SLC7A14: variants seen among roughly 807,000 people sequenced by gnomAD.
The protein encoded by SLC7A14 is solute carrier family 7 member 14.
Under a neutral mutation model 60.2 loss-of-function variants are expected in SLC7A14, and 37 were observed. The observed-to-expected ratio is 0.61, with a 90% CI of 0.47 to 0.81. SLC7A14 has a LOEUF of 0.81. Among genes scored for constraint, SLC7A14 ranks in the 30% least tolerant of loss-of-function variants. The pLI is 0.00. For missense variants in SLC7A14, 886 were observed against 982.7 expected, an observed-to-expected ratio of 0.90 and a Z score of 1.32; for synonymous variants, 399 against 395.8, an observed-to-expected ratio of 1.01 and a Z score of -0.10.
chr3:170,499,547 G>C (rs936420210), intron 3 of SLC7A14, among the ~76,000 whole-genome samples: 1 of 152,086 alleles, frequency 6.6e-6, no homozygotes, highest in Non-Finnish European at 1.5e-5. Flanking sequence ...ATTGTTTTTA[G>C]CTTCATTATT....
intron 6 of SLC7A14, among the ~76,000 whole-genome samples, chr3:170,482,545 G>T (rs1463346525): frequency 1.3e-5 from 2 of 152,254 alleles, no homozygotes; most frequent in Non-Finnish European, 1.5e-5. Flanking sequence ...GGCCCCTCAT[G>T]CTGGAAACAA....
intron 1 of SLC7A14, among the ~76,000 whole-genome samples, chr3:170,584,620 G>A (rs1288993082): frequency 6.6e-6 from 1 of 152,180 alleles, no homozygotes; most frequent in African/African-American, 2.4e-5. Context: ...TAGGTCGCTT[G>A]CTTAGAACCC....
At chr3:170,498,609 T>C (rs1205052796) in intron 4 of SLC7A14, 58 bp downstream of exon 4, 3 of 1,532,424 alleles carry the variant, frequency 2.0e-6, no homozygotes, top group South Asian at 2.3e-5. Context: ...CTTAGGTTGG[T>C]CACAGGGTAG....
intron 7 of SLC7A14, among the ~76,000 whole-genome samples, chr3:170,473,229 CA>C (rs1467939315): frequency 2.0e-5 from 3 of 152,152 alleles, no homozygotes; most frequent in Non-Finnish European, 4.4e-5. Context: ...CAAATGACCC[CA>C]AACCTACAAG....
At chr3:170,474,733 G>A (rs1327994772) in intron 7 of SLC7A14, among the ~76,000 whole-genome samples, 1 of 152,088 alleles carries the variant, frequency 6.6e-6, no homozygotes, top group Non-Finnish European at 1.5e-5. Context: ...TAGACCATGA[G>A]GTGTGTCTTC....
At chr3:170,521,374 G>A (rs1472406080) in intron 2 of SLC7A14, among the ~76,000 whole-genome samples, 1 of 152,228 alleles carries the variant, frequency 6.6e-6, no homozygotes, top group African/African-American at 2.4e-5. Context: ...TTTCCATTAT[G>A]TTGGTGCAAA....
At chr3:170,523,471 CCTT>C (rs1459521207) in intron 2 of SLC7A14, among the ~76,000 whole-genome samples, 1 of 152,160 alleles carries the variant, frequency 6.6e-6, no homozygotes, top group African/African-American at 2.4e-5. Context: ...GTTTCACTTC[CCTT>C]CTTATTCAGC....
intron 2 of SLC7A14, among the ~76,000 whole-genome samples, chr3:170,504,461 C>T (rs1241229936): frequency 2.6e-5 from 4 of 152,080 alleles, no homozygotes; most frequent in African/African-American, 9.7e-5. Flanking sequence ...GCTAGGACTA[C>T]AGGCATGCAC....
intron 2 of SLC7A14, among the ~76,000 whole-genome samples, chr3:170,512,976 C>T (rs114352854): frequency 2.2e-3 from 329 of 152,156 alleles, no homozygotes; most frequent in African/African-American, 7.7e-3. Flanking sequence ...AAACTGTGGC[C>T]GCAGTGTCTT....
chr3:170,539,460 C>T (rs1713945030), intron 1 of SLC7A14, among the ~76,000 whole-genome samples: 1 of 152,168 alleles, frequency 6.6e-6, no homozygotes, highest in Non-Finnish European at 1.5e-5. Flanking sequence ...ATCTACCTAT[C>T]TGTGTATTTA....
intron 1 of SLC7A14, among the ~76,000 whole-genome samples, chr3:170,569,521 C>T (rs1714884990): frequency 1.3e-5 from 2 of 152,014 alleles, no homozygotes; most frequent in African/African-American, 4.8e-5. Context: ...TGATGCTGGC[C>T]TCATAAAATG....
At chr3:170,499,784 A>G (rs1250385454) in intron 3 of SLC7A14, among the ~76,000 whole-genome samples, 1 of 152,190 alleles carries the variant, frequency 6.6e-6, no homozygotes, top group Non-Finnish European at 1.5e-5. Context: ...GCACTGCCTC[A>G]GCTGCAGGGA....
At chr3:170,496,167 C>T in intron 4 of SLC7A14, 1 of 905,392 alleles carries the variant, frequency 1.1e-6, no homozygotes, top group Non-Finnish European at 1.9e-6. Context: ...GTCTGCGGTG[C>T]TGTCCATGGA....
intron 1 of SLC7A14, among the ~76,000 whole-genome samples, chr3:170,572,060 C>CAAAAAA (rs765897392): frequency 9.9e-5 from 8 of 80,612 alleles, no homozygotes; most frequent in East Asian, 3.5e-4. Context: ...GACTCTGTCT[C>CAAAAAA]AAAAAAAAAA....
chr3:170,478,733 G>A (rs989914661), intron 7 of SLC7A14, among the ~76,000 whole-genome samples: 12 of 152,088 alleles, frequency 7.9e-5, no homozygotes, highest in African/African-American at 2.7e-4. Context: ...GTATTTTTGA[G>A]CACATACTGC....
intron 7 of SLC7A14, among the ~76,000 whole-genome samples, chr3:170,478,598 C>T (rs1342856122): frequency 1.3e-5 from 2 of 152,142 alleles, no homozygotes; most frequent in African/African-American, 4.8e-5. Flanking sequence ...TCCCCCACTT[C>T]TTTCTATCTA....
intron 5 of SLC7A14, among the ~76,000 whole-genome samples, chr3:170,484,583 G>A (rs1305800932): frequency 6.6e-6 from 1 of 152,214 alleles, no homozygotes; most frequent in Non-Finnish European, 1.5e-5. Flanking sequence ...AAAGCCTGAA[G>A]GAAAGAGGGT....
chr3:170,534,884 A>C (rs565085192), intron 1 of SLC7A14, among the ~76,000 whole-genome samples: 1 of 152,328 alleles, frequency 6.6e-6, no homozygotes. Context: ...TCAACACTCC[A>C]GAGTTGCGAA....
In SLC7A14 at chr3:170,486,255, G is replaced by A; in HGVS notation, c.873C>T (p.Ala291=). Residue 291 remains alanine, a synonymous_variant, in exon 5 of 8, where the codon GCC becomes GCT. Coordinates refer to ENST00000231706, the MANE Select transcript of SLC7A14 (RefSeq NM_020949.3). ...ATGCTGTCAGGCAGATGACCAGGGAGGCAGTGATAGCATAAGGGATGGACG... is the reference window on the plus strand; with the variant it reads ...ATGCTGTCAGGCAGATGACCAGGGAAGCAGTGATAGCATAAGGGATGGACG... ...PNTSIPYAIT[A]SLVICLTAYV... 6.2e-7 allele frequency: 1 copy of A among 1,614,216 alleles called. No individual in the cohort carries two copies. Among genetic ancestry groups the A allele is most frequent in the Non-Finnish European group, 8.5e-7 (1 of 1,180,040 alleles).
Sources: allele counts gnomAD v4.1 joint callset (sites outside exome capture counted in the v4.1 genomes callset), GRCh38; gene constraint gnomAD v4.1.1; transcripts MANE v1.5; gene names NCBI Gene and HGNC (gene_info 2026-07-23, HGNC 2026-07-21).